ROBO2: variants seen among roughly 807,000 people sequenced by gnomAD.
The protein encoded by ROBO2 is roundabout guidance receptor 2.
ROBO2 carries 53 observed loss-of-function variants against 160.8 expected under a neutral mutation model. The ratio of observed to expected loss-of-function variants is 0.33; its 90% CI spans 0.26 to 0.41. The LOEUF is 0.41. Ranked by LOEUF, ROBO2 falls within the 10% of genes least tolerant of loss-of-function variation. The probability of loss-of-function intolerance (pLI) is 1.00; values close to 1 mark genes in which losing one functional copy is unlikely to be tolerated. For missense variants in ROBO2, 1,577 were observed against 1,722.4 expected (o/e 0.92, Z 1.49); for synonymous variants, 664 against 611.7 (o/e 1.09, Z -1.26).
At chr3:76,493,019 C>G (rs2079920038) in intron 2 of ROBO2, among the ~76,000 whole-genome samples, 1 of 151,862 alleles carries the variant, frequency 6.6e-6, no homozygotes, top group South Asian at 2.1e-4. Context: ...AGTATTTGCA[C>G]TCACTGGAAG....
chr3:76,334,608 A>G (rs983972503), intron 2 of ROBO2, among the ~76,000 whole-genome samples: 1 of 152,198 alleles, frequency 6.6e-6, no homozygotes, highest in South Asian at 2.1e-4. Flanking sequence ...TCACATAGGC[A>G]TAACAGGAAG....
intron 2 of ROBO2, among the ~76,000 whole-genome samples, chr3:76,471,770 G>T (rs1448597289): frequency 6.6e-6 from 1 of 152,062 alleles, no homozygotes; most frequent in East Asian, 1.9e-4. Context: ...AGTTCTGCAG[G>T]CTGGGAAGGC....
chr3:77,481,177 G>A lies in ROBO2; in HGVS notation c.625G>A (p.Val209Met), dbSNP rs1405004911. ...GTATACTTGTGTTGGTACCAATATG[G>A]TGGGAGAAAGGGACAGTGACCCAGC... The change falls in exon 4 of 26, where the codon GTG becomes ATG. Residue 209 changes from valine to methionine, a missense_variant. Val to Met is a conservative substitution (Grantham distance 21, BLOSUM62 1). Around this residue, in one of 2 missense-constraint regions of ROBO2, gnomAD observed 940 missense variants for 1,135.5 expected, o/e 0.83. Coordinates refer to ENST00000461745, the Ensembl canonical transcript of ROBO2. 4 of 1,606,806 alleles carry A rather than the reference G, an allele frequency of 2.5e-6. No individual in the cohort carries two copies. In the Admixed American group the frequency reaches 5.0e-5, roughly 20 times the overall value.
At chr3:75,921,600 A>G (rs536621932) in intron 1 of ROBO2, among the ~76,000 whole-genome samples, 1 of 152,250 alleles carries the variant, frequency 6.6e-6, no homozygotes, top group Non-Finnish European at 1.5e-5. Flanking sequence ...AATGTTTGTA[A>G]TGCTTTCAAT....
chr3:76,045,929 C>T (rs1209231588), intron 2 of ROBO2, among the ~76,000 whole-genome samples: 1 of 151,530 alleles, frequency 6.6e-6, no homozygotes, highest in Non-Finnish European at 1.5e-5. Flanking sequence ...TGCCAGTATG[C>T]TTTATGGAAT....
intron 6 of ROBO2, among the ~76,000 whole-genome samples, chr3:77,539,211 C>T (rs915154760): frequency 7.9e-5 from 12 of 152,078 alleles, no homozygotes; most frequent in Non-Finnish European, 1.6e-4. Context: ...TGAGCCACCG[C>T]CCCCCGGCCT....
intron 2 of ROBO2, among the ~76,000 whole-genome samples, chr3:76,590,657 T>C (rs2086357852): frequency 6.6e-6 from 1 of 152,118 alleles, no homozygotes; most frequent in African/African-American, 2.4e-5. Context: ...AAATACAAGA[T>C]TAGTTCTTAG....
At chr3:77,003,880 T>A (rs1045290419) in intron 2 of ROBO2, among the ~76,000 whole-genome samples, 28 of 152,240 alleles carry the variant, frequency 1.8e-4, no homozygotes, top group African/African-American at 6.7e-4. Context: ...CAGTGAATAT[T>A]TTCTGGAAAA....
chr3:76,028,133 G>C (rs2066802930), intron 2 of ROBO2, among the ~76,000 whole-genome samples: 1 of 149,020 alleles, frequency 6.7e-6, no homozygotes, highest in South Asian at 2.1e-4. Context: ...ACTGAGATGA[G>C]AAAATCAATC....
chr3:76,806,255 A>G (rs890802755), intron 2 of ROBO2, among the ~76,000 whole-genome samples: 1 of 148,126 alleles, frequency 6.8e-6, no homozygotes, highest in Non-Finnish European at 1.5e-5. Context: ...TACTATACAT[A>G]TACATACATG....
chr3:75,975,305 G>A (rs1192399297), intron 2 of ROBO2, among the ~76,000 whole-genome samples: 1 of 151,208 alleles, frequency 6.6e-6, no homozygotes, highest in Non-Finnish European at 1.5e-5. Context: ...CTTTTGCAAG[G>A]CCAAATTCTT....
At chr3:76,291,007 G>T (rs749501260) in intron 2 of ROBO2, among the ~76,000 whole-genome samples, 2 of 151,944 alleles carry the variant, frequency 1.3e-5, no homozygotes, top group Non-Finnish European at 2.9e-5. Context: ...AGTTTTCTTT[G>T]TTATTGTGTC....
intron 2 of ROBO2, among the ~76,000 whole-genome samples, chr3:76,438,593 C>T (rs540972889): frequency 1.7e-4 from 26 of 151,882 alleles, no homozygotes; most frequent in South Asian, 2.1e-4. Context: ...GAACAACTCA[C>T]GAGTAAAAAT....
At chr3:77,393,335 A>G (rs943375751) in intron 2 of ROBO2, among the ~76,000 whole-genome samples, 4 of 152,050 alleles carry the variant, frequency 2.6e-5, no homozygotes, top group African/African-American at 7.2e-5. Flanking sequence ...TTTCTTTTGG[A>G]AAAACACAGT....
chr3:76,999,356 A>G (rs2061213762), intron 2 of ROBO2, among the ~76,000 whole-genome samples: 1 of 152,130 alleles, frequency 6.6e-6, no homozygotes, highest in African/African-American at 2.4e-5. Flanking sequence ...CCTTGTAGAT[A>G]GGTAACTGGG....
intron 2 of ROBO2, among the ~76,000 whole-genome samples, chr3:76,100,365 G>C (rs1450492570): frequency 6.6e-6 from 1 of 152,080 alleles, no homozygotes; most frequent in Non-Finnish European, 1.5e-5. Flanking sequence ...TGTCTATGTG[G>C]AACTAAACAT....
At chr3:76,817,719 C>T (rs2065797337) in intron 2 of ROBO2, among the ~76,000 whole-genome samples, 1 of 151,960 alleles carries the variant, frequency 6.6e-6, no homozygotes, top group Non-Finnish European at 1.5e-5. Context: ...CAGCTTAGCT[C>T]CGAATTATGA....
chr3:77,099,849 C>A (rs1187457795), intron 2 of ROBO2, among the ~76,000 whole-genome samples: 1 of 151,968 alleles, frequency 6.6e-6, no homozygotes, highest in Non-Finnish European at 1.5e-5. Context: ...AATGGGGATG[C>A]TAGACCAGGT....
At position 76,572,946 on chromosome 3, in the gene ROBO2, A is replaced by G. The variant is rs1386704082; in HGVS notation, c.110-525068A>G. Among the ~76,000 whole-genome samples the G allele has an allele frequency of 3.9e-5, 6 of 152,300 alleles. No individual in the cohort carries two copies. In the South Asian group the frequency reaches 8.3e-4, roughly 21 times the overall value. On this transcript the variant is annotated intron_variant, in intron 2 of 26. Coordinates refer to the ROBO2 transcript ENST00000487694. ...CTGTCCCAGGTCTTTTGCTACTGACAGCATAAACTTCTCTTCCTTCTTTTG... is the reference window on the plus strand; with the variant it reads ...CTGTCCCAGGTCTTTTGCTACTGACGGCATAAACTTCTCTTCCTTCTTTTG...
Sources: allele counts gnomAD v4.1 joint callset (sites outside exome capture counted in the v4.1 genomes callset), GRCh38; gene constraint gnomAD v4.1.1; regional missense constraint gnomAD v4.1.1; transcripts MANE v1.5; gene names NCBI Gene and HGNC (gene_info 2026-07-23, HGNC 2026-07-21).